Variants in LRRC19 observed in about 807,000 individuals in gnomAD.
The protein encoded by LRRC19 is leucine rich repeat containing 19, also known as leucine-rich repeat-containing protein 19.
A neutral mutation model predicts 33.3 loss-of-function variants in LRRC19; 33 were observed. That is an observed-to-expected ratio of 0.99 (90% CI 0.75 to 1.33). The LOEUF is 1.33. Ranked by LOEUF, LRRC19 falls within the 40% of genes most tolerant of loss-of-function variation. LRRC19 has a pLI of 0.00. For synonymous variants in LRRC19, 184 were observed against 152.3 expected, an observed-to-expected ratio of 1.21 and a Z score of -1.53; for missense variants, 463 against 417.3, an observed-to-expected ratio of 1.11 and a Z score of -0.95.
At chr9:27,005,556 C>A (rs1748566269) in intron 1 of LRRC19, 36 bp downstream of exon 1, 1 of 151,522 alleles carries the variant, frequency 6.6e-6, no homozygotes, top group South Asian at 2.1e-4. Context: ...AAAAAAAATA[C>A]AACAATAACC....
intron 2 of LRRC19, 30 bp downstream of exon 2, chr9:26,999,584 A>AT (rs1405202702): frequency 2.0e-6 from 3 of 1,467,222 alleles, no homozygotes. Context: ...CTTTGAAAAT[A>AT]TTTTTACTAT....
intron 1 of LRRC19, among the ~76,000 whole-genome samples, chr9:27,002,912 C>G (rs1828576258): frequency 6.6e-6 from 1 of 152,142 alleles, no homozygotes; most frequent in African/African-American, 2.4e-5. Context: ...TCTTCCACTC[C>G]ATGAACATGG....
intron 1 of LRRC19, among the ~76,000 whole-genome samples, 178 bp downstream of exon 1, chr9:27,005,414 C>T (rs1828723941): frequency 8.4e-6 from 1 of 119,388 alleles, no homozygotes; most frequent in Non-Finnish European, 1.6e-5. Flanking sequence ...TTAGGAAAGA[C>T]CCTTTGGCCA....
At chr9:27,000,270 C>G (rs190100472) in intron 1 of LRRC19, among the ~76,000 whole-genome samples, 1 of 152,090 alleles carries the variant, frequency 6.6e-6, no homozygotes, top group African/African-American at 2.4e-5. Flanking sequence ...ATGAAAGGAG[C>G]TTTAAAGCAA....
At chr9:26,995,904 A>G in intron 4 of LRRC19, 55 bp from the exon 5 acceptor site, 2 of 1,240,424 alleles carry the variant, frequency 1.6e-6, no homozygotes, top group Non-Finnish European at 2.2e-6. Flanking sequence ...AGTTGGCAAA[A>G]TAATCATAAT....
intron 1 of LRRC19, among the ~76,000 whole-genome samples, chr9:27,002,082 G>C (rs1433246697): frequency 6.6e-6 from 1 of 152,292 alleles, no homozygotes; most frequent in Admixed American, 6.5e-5. Context: ...TACATGGCTA[G>C]AGAAGGAGGA....
In LRRC19 at chr9:26,997,977, C is replaced by G; in HGVS notation, c.346G>C (p.Ala116Pro). ...TTTAGTTTATTTAAGCCTAAAAATG[C>G]ACCCTGTTGAATTACATAGATGGAG... ...RNSIYVIQQG[A>P]FLGLNKLKQL... is the part of the protein sequence containing the mutation. The change falls in exon 3 of 5, where the codon GCA (alanine) becomes CCA (proline). Residue 116 changes from alanine (A) to proline (P), a missense_variant. Transcript: ENST00000380055. 6.2e-7 allele frequency: 1 copy of G among 1,613,848 alleles called. No individual in the cohort carries two copies. The highest frequency in any genetic ancestry group is 1.7e-4 in the Middle Eastern group (1 of 6,058).
intron 1 of LRRC19, among the ~76,000 whole-genome samples, chr9:27,003,557 A>G (rs111857515): frequency 1.2e-3 from 184 of 152,228 alleles, no homozygotes; most frequent in African/African-American, 4.1e-3. Context: ...AGAGTAGGCA[A>G]GAATCCATGC....
intron 3 of LRRC19, among the ~76,000 whole-genome samples, chr9:26,997,280 A>G (rs1828208384): frequency 6.7e-6 from 1 of 148,344 alleles, no homozygotes; most frequent in South Asian, 2.1e-4. Context: ...TGCAGCTGTT[A>G]CTTTTTAGTG....
chr9:27,000,459 G>T (rs1197937700), intron 1 of LRRC19, among the ~76,000 whole-genome samples: 1 of 152,164 alleles, frequency 6.6e-6, no homozygotes, highest in African/African-American at 2.4e-5. Context: ...TGTGGGAGAT[G>T]AGAATCTTTA....
intron 1 of LRRC19, among the ~76,000 whole-genome samples, chr9:26,999,929 C>G (rs1456602370): frequency 6.6e-6 from 1 of 151,882 alleles, no homozygotes; most frequent in Non-Finnish European, 1.5e-5. Context: ...CACTACCATG[C>G]CTGGCTAATT....
At chr9:27,003,951 T>C (rs1325371072) in intron 1 of LRRC19, among the ~76,000 whole-genome samples, 1 of 152,194 alleles carries the variant, frequency 6.6e-6, no homozygotes, top group African/African-American at 2.4e-5. Context: ...TTCTCAATGA[T>C]GTGGTGAAAT....
intron 1 of LRRC19, among the ~76,000 whole-genome samples, chr9:27,001,631 T>G (rs1828498304): frequency 6.6e-6 from 1 of 152,260 alleles, no homozygotes; most frequent in Non-Finnish European, 1.5e-5. Flanking sequence ...ATTCAGTTCT[T>G]TTGCCATGTT....
At chr9:26,996,636 A>T (rs1386108682) in intron 3 of LRRC19, 137 bp from the exon 4 acceptor site, 1 of 506,862 alleles carries the variant, frequency 2.0e-6, no homozygotes, top group Non-Finnish European at 3.2e-6. Context: ...GTATTTGTCT[A>T]GCAACATAAT....
intron 1 of LRRC19, among the ~76,000 whole-genome samples, chr9:27,004,436 T>C (rs955727935): frequency 6.6e-6 from 1 of 152,230 alleles, no homozygotes; most frequent in Admixed American, 6.5e-5. Flanking sequence ...TGTGAGAGTT[T>C]TCACATATTT....
Position 27,005,356 on chromosome 9 carries a change from C to A in LRRC19, c.-10+236G>T, listed in dbSNP as rs1271920637. Among the ~76,000 whole-genome samples, 7 of 43,946 alleles carry A rather than the reference C, an allele frequency of 1.6e-4. 1 individual carries two copies. The highest frequency in any genetic ancestry group is 1.4e-3 in the Admixed American group (5 of 3,590). 28.8% of individuals were successfully genotyped at this position (43,946 alleles called of 152,430 possible). A position where few individuals can be genotyped will look rare whatever the true frequency, so the allele number is the denominator to read the frequency against. On this transcript the variant is annotated intron_variant, in intron 1 of 4. Transcript: ENST00000380055. ...GATTGGCTAGATGAAACCATTTCCC[C>A]CCCCGCCCCCCGCAAAACAATTACT...
At position 26,995,276 on chromosome 9, in the gene LRRC19, A is replaced by ATT; in HGVS notation, c.*244_*245insAA. The ATT allele has an allele frequency of 3.1e-6, 1 of 327,504 alleles. No individual in the cohort carries two copies. The highest frequency in any genetic ancestry group is 5.6e-6 in the Non-Finnish European group (1 of 177,558). 20.3% of individuals were successfully genotyped at this position (327,504 alleles called of 1,614,324 possible). A position where few individuals can be genotyped will look rare whatever the true frequency, so the allele number is the denominator to read the frequency against. ...TACTAGTTCGTATGGTCACCCAAGC[A>ATT]CTGCTAAGAATAGTAGTGCTAGTAT... On this transcript the variant is annotated 3_prime_UTR_variant, in exon 5 of 5. Coordinates refer to ENST00000380055, the MANE Select transcript of LRRC19 (RefSeq NM_022901.3).
Position 26,995,401 on chromosome 9 carries a change from G to T in LRRC19, c.*120C>A. 5 of 626,776 alleles carry T rather than the reference G, an allele frequency of 8.0e-6. No individual in the cohort carries two copies. Among genetic ancestry groups the T allele is most frequent in the Non-Finnish European group, 1.4e-5 (5 of 359,972 alleles). The allele number at this position is 626,776 out of a possible 1,614,324, so 38.8% of individuals were successfully genotyped here. ...AAGAACATAATTTTATGATATTCATGTATGTTGTCATTAATATGAATGCCT... is the reference window on the plus strand; with the variant it reads ...AAGAACATAATTTTATGATATTCATTTATGTTGTCATTAATATGAATGCCT... On this transcript the variant is annotated 3_prime_UTR_variant, in exon 5 of 5. Coordinates refer to ENST00000380055, the MANE Select transcript of LRRC19 (RefSeq NM_022901.3).
In LRRC19 at chr9:26,994,901, C is replaced by G. The variant is rs1054481997; in HGVS notation, c.*620G>C. On this transcript the variant is annotated 3_prime_UTR_variant, in exon 5 of 5. Transcript: ENST00000380055. ...TAGTGATCCTGCATTATGGTGACAG[C>G]CTTTCTTTATAACCAGAATCAATAG... The G allele has an allele frequency of 6.6e-6, 1 of 152,422 alleles. No individual in the cohort carries two copies. The highest frequency in any genetic ancestry group is 2.4e-5 in the African/African-American group (1 of 41,418). The allele number at this position is 152,422 out of a possible 1,614,324, so 9.4% of individuals were successfully genotyped here.
Sources: gnomAD v4.1 joint callset for allele counts (sites outside exome capture counted in the v4.1 genomes callset) on GRCh38, gnomAD v4.1.1 for gene constraint, MANE v1.5 for transcripts, NCBI Gene and HGNC (gene_info 2026-07-23, HGNC 2026-07-21) for gene names.